Variants in TSHZ2 observed in about 807,000 individuals in gnomAD.
The protein encoded by TSHZ2 is teashirt homolog 2.
A neutral mutation model predicts 74.4 loss-of-function variants in TSHZ2; 21 were observed. The ratio of observed to expected loss-of-function variants is 0.28; its 90% CI spans 0.20 to 0.41. The LOEUF (loss-of-function observed/expected upper bound fraction) is 0.41, where lower values mean the gene tolerates loss of function less well. Among genes scored for constraint, TSHZ2 ranks in the 10% least tolerant of loss-of-function variants. The pLI, the probability that TSHZ2 is intolerant of heterozygous loss-of-function variation, is 1.00. For synonymous variants in TSHZ2, 540 were observed against 515.3 expected (o/e 1.05, Z -0.65); for missense variants, 1,244 against 1,293.5 (o/e 0.96, Z 0.59).
At chr20:53,240,419 T>C (rs1990037074) in intron 1 of TSHZ2, among the ~76,000 whole-genome samples, 1 of 152,130 alleles carries the variant, frequency 6.6e-6, no homozygotes, top group African/African-American at 2.4e-5. Context: ...TGCTCAAGAA[T>C]TAGCACATTT....
chr20:53,463,874 C>T (rs138754814), intron 2 of TSHZ2, among the ~76,000 whole-genome samples: 42 of 152,336 alleles, frequency 2.8e-4, no homozygotes, highest in South Asian at 1.0e-3. Context: ...ATTTCCTCCT[C>T]TATCTTGAGG....
intron 1 of TSHZ2, among the ~76,000 whole-genome samples, chr20:53,034,857 G>C (rs547506102): frequency 6.6e-6 from 1 of 152,296 alleles, no homozygotes; most frequent in South Asian, 2.1e-4. Flanking sequence ...AAAATATTTG[G>C]ATTTTATTCT....
intron 2 of TSHZ2, among the ~76,000 whole-genome samples, chr20:53,293,299 C>A (rs1034208569): frequency 1.3e-5 from 2 of 152,150 alleles, no homozygotes; most frequent in Middle Eastern, 3.4e-3. Flanking sequence ...CCTGTCCCTA[C>A]TAAAAATACA....
chr20:53,278,782 T>C (rs556185853), intron 2 of TSHZ2, among the ~76,000 whole-genome samples: 11 of 152,324 alleles, frequency 7.2e-5, no homozygotes, highest in Middle Eastern at 6.8e-3. Flanking sequence ...AAGGGCCAGA[T>C]AGTAAATATT....
chr20:53,335,955 A>C (rs1237082816), intron 2 of TSHZ2, among the ~76,000 whole-genome samples: 1 of 152,228 alleles, frequency 6.6e-6, no homozygotes. Flanking sequence ...TCTAATCAGG[A>C]TATTAACGAG....
chr20:53,051,268 A>G (rs1984449654), intron 1 of TSHZ2, among the ~76,000 whole-genome samples: 1 of 152,066 alleles, frequency 6.6e-6, no homozygotes, highest in African/African-American at 2.4e-5. Flanking sequence ...GAACCCAGGA[A>G]GTGGAGGTTG....
chr20:52,982,349 G>A (rs1405910464), intron 1 of TSHZ2, among the ~76,000 whole-genome samples: 1 of 152,176 alleles, frequency 6.6e-6, no homozygotes, highest in Non-Finnish European at 1.5e-5. Context: ...ACCCAAGGAA[G>A]AACCCTCAGT....
chr20:53,005,503 C>T (rs1190237023), intron 1 of TSHZ2, among the ~76,000 whole-genome samples: 1 of 152,164 alleles, frequency 6.6e-6, no homozygotes, highest in Non-Finnish European at 1.5e-5. Flanking sequence ...TGTCCCCAGG[C>T]AGTAGACACA....
intron 1 of TSHZ2, among the ~76,000 whole-genome samples, chr20:53,022,912 T>C (rs1437247332): frequency 6.6e-6 from 1 of 152,216 alleles, no homozygotes; most frequent in Non-Finnish European, 1.5e-5. Context: ...ATAGGTCCAA[T>C]GGTTTTATTA....
chr20:53,110,382 C>T lies in TSHZ2; in HGVS notation c.40+137049C>T, dbSNP rs754832919. Among the ~76,000 whole-genome samples, 4 of 152,096 alleles carry T rather than the reference C, an allele frequency of 2.6e-5. No homozygotes were observed. In the East Asian group the frequency reaches 7.7e-4, roughly 29 times the overall value. On this transcript the variant is annotated intron_variant, in intron 1 of 2. Coordinates refer to ENST00000371497, the MANE Select transcript of TSHZ2 (RefSeq NM_173485.6). ...TTCTCCGGCCCTCTCTTGCTGCTCA[C>T]ACTTGCTGCAGCCCTTCTTCTCTAT...
intron 2 of TSHZ2, among the ~76,000 whole-genome samples, chr20:53,335,670 T>G (rs891675169): frequency 6.6e-6 from 1 of 152,060 alleles, no homozygotes; most frequent in Non-Finnish European, 1.5e-5. Context: ...TGGGGAAGGG[T>G]GAGAAGGGTG....
chr20:53,099,545 C>A (rs1173196110), intron 1 of TSHZ2, among the ~76,000 whole-genome samples: 1 of 152,090 alleles, frequency 6.6e-6, no homozygotes, highest in East Asian at 1.9e-4. Context: ...TCTGTTTTCA[C>A]GCTGCTGATA....
At chr20:53,353,583 G>C (rs548972641) in intron 2 of TSHZ2, among the ~76,000 whole-genome samples, 27 of 152,294 alleles carry the variant, frequency 1.8e-4, no homozygotes, top group Non-Finnish European at 2.8e-4. Context: ...GCCTAGGGTT[G>C]TATATTTAGG....
intron 2 of TSHZ2, among the ~76,000 whole-genome samples, chr20:53,355,295 T>A (rs1980804151): frequency 6.6e-6 from 1 of 152,214 alleles, no homozygotes; most frequent in Non-Finnish European, 1.5e-5. Context: ...GAAAGTCCTT[T>A]CTACTTGCAT....
At chr20:53,131,210 T>C (rs185841572) in intron 1 of TSHZ2, among the ~76,000 whole-genome samples, 1 of 152,314 alleles carries the variant, frequency 6.6e-6, no homozygotes, top group Admixed American at 6.5e-5. Flanking sequence ...AGGACATCTG[T>C]GTGGGCATGT....
chr20:53,118,285 G>A (rs1293847379), intron 1 of TSHZ2, among the ~76,000 whole-genome samples: 2 of 152,172 alleles, frequency 1.3e-5, no homozygotes, highest in Admixed American at 6.5e-5. Context: ...GGGGAGCGGG[G>A]TGGGAAGAAG....
rs995284417 is a variant in TSHZ2, at chr20:52,972,376, G to C, written c.-918G>C. ...AATGTTCAGTTTGTTCAGCGGGATC[G>C]ATGTTTGCTGGCATCGCCTCGCCCT... On this transcript the variant is annotated 5_prime_UTR_variant, in exon 1 of 3. Transcript: ENST00000371497. The C allele has an allele frequency of 6.6e-6, 1 of 152,234 alleles. No individual in the cohort carries two copies. Among genetic ancestry groups the C allele is most frequent in the Non-Finnish European group, 1.5e-5 (1 of 68,070 alleles). The allele number at this position is 152,234 out of a possible 1,614,324, so 9.4% of individuals were successfully genotyped here.
At chr20:53,429,470 G>A (rs963068607) in intron 2 of TSHZ2, among the ~76,000 whole-genome samples, 10 of 152,208 alleles carry the variant, frequency 6.6e-5, no homozygotes, top group Admixed American at 2.0e-4. Context: ...TAAGTCTCAC[G>A]AGACCTGATG....
At chr20:53,355,071 T>C (rs1315183042) in intron 2 of TSHZ2, among the ~76,000 whole-genome samples, 2 of 152,234 alleles carry the variant, frequency 1.3e-5, no homozygotes, top group Non-Finnish European at 2.9e-5. Context: ...TGTTTATTTA[T>C]TGCCTAGAGT....
Sources: gnomAD v4.1 joint callset for allele counts (sites outside exome capture counted in the v4.1 genomes callset) on GRCh38, gnomAD v4.1.1 for gene constraint, MANE v1.5 for transcripts, NCBI Gene and HGNC (gene_info 2026-07-23, HGNC 2026-07-21) for gene names.